The following ELFN1 variants were observed in gnomAD, a reference collection of about 807,000 sequenced individuals.
ELFN1 encodes extracellular leucine rich repeat and fibronectin type III domain containing 1.
In ELFN1, 6 loss-of-function variants were observed where a neutral mutation model predicts 7.6. That is an observed-to-expected ratio of 0.79 (90% confidence interval 0.43 to 1.56). ELFN1 has a LOEUF of 1.56. ELFN1 is among the 40% of genes most tolerant of loss of function. ELFN1 has a pLI of 0.01. For synonymous variants in ELFN1, 657 were observed against 588.1 expected, an observed-to-expected ratio of 1.12 and a Z score of -1.70; for missense variants, 1,169 against 1,232.2, an observed-to-expected ratio of 0.95 and a Z score of 0.77.
rs1213125348 is a variant in ELFN1 at position 1,742,315 on chromosome 7, T to G, written c.-293-1989T>G. ...GTGCGGCCGCTGGCCAGACCCGCCC[T>G]TCCGGAGGCCGGGCACAGCCGGACG... is the stretch of plus-strand genomic sequence containing the variant. On this transcript the variant is annotated intron_variant, in intron 3 of 3. Coordinates refer to ENST00000424383, the MANE Select transcript of ELFN1 (RefSeq NM_001128636.4). 2.6e-5 allele frequency: 4 copies of G among 152,280 alleles called. No homozygotes were observed. The East Asian group carries it at 7.7e-4, about 29-fold the overall frequency. The allele number at this position is 152,280 out of a possible 1,614,324, so 9.4% of individuals were successfully genotyped here.
intron 1 of ELFN1, among the ~76,000 whole-genome samples, chr7:1,686,866 ACT>A (rs1032309115): frequency 6.6e-5 from 10 of 151,544 alleles, no homozygotes; most frequent in Admixed American, 3.9e-4. Flanking sequence ...ATTTCATGCA[ACT>A]CTCTGTCAGA....
At chr7:1,738,730 C>G (rs1780521759) in intron 3 of ELFN1, 1 of 152,060 alleles carries the variant, frequency 6.6e-6, no homozygotes, top group African/African-American at 2.4e-5. Context: ...GCAGCGTGGC[C>G]CGAGTCTGTC....
Position 1,708,697 on chromosome 7 carries a change from CAGCCCCAGAGGCTCTGGGGCTGT to C in ELFN1, c.-455-384_-455-362del, listed in dbSNP as rs376983913. Among the ~76,000 whole-genome samples the C allele has an allele frequency of 3.0e-3, 455 of 152,218 alleles. 1 individual carries two copies. The highest frequency in any genetic ancestry group is 0.01 in the African/African-American group (428 of 41,484). ...GCCTGGAAGGTTCCCACGGACCCAA[CAGCCCCAGAGGCTCTGGGGCTGT>C]AGCCCCAGAAGTGAGCCCCACCTTT... On this transcript the variant is annotated intron_variant, in intron 2 of 3. Coordinates refer to ENST00000424383, the MANE Select transcript of ELFN1 (RefSeq NM_001128636.4).
chr7:1,745,410 C>T lies in ELFN1; in HGVS notation c.814C>T (p.Pro272Ser), dbSNP rs1355810317. ...PPRPASGRSQ[P>S]GRSPPPPPPP... ...ACGTCCAGCATCCGGGCGCTCACAGCCGGGCCGCTCCCCGCCGCCCCCGCC... is the reference window on the plus strand; with the variant it reads ...ACGTCCAGCATCCGGGCGCTCACAGTCGGGCCGCTCCCCGCCGCCCCCGCC... The change falls in exon 4 of 4, where the codon CCG becomes TCG. Residue 272 changes from proline (P) to serine (S), a missense_variant. Pro to Ser is a moderately conservative substitution (Grantham distance 74). Around this residue, in one of 2 missense-constraint regions of ELFN1, gnomAD observed 914 missense variants for 872.6 expected, o/e 1.05. Transcript: ENST00000424383. 3.9e-6 allele frequency: 6 copies of T among 1,538,916 alleles called. No individual in the cohort carries two copies. The highest frequency in any genetic ancestry group is 4.4e-6 in the Non-Finnish European group (5 of 1,146,060).
chr7:1,677,516 G>A (rs1029692175), intron 1 of ELFN1, among the ~76,000 whole-genome samples: 2 of 152,210 alleles, frequency 1.3e-5, no homozygotes, highest in African/African-American at 4.8e-5. Context: ...CTGTGCAGGG[G>A]TGTGTGTAGG....
At position 1,746,850 on chromosome 7, in the gene ELFN1, C is replaced by T; in HGVS notation, c.2254C>T (p.Gln752Ter). 6.5e-7 allele frequency: 1 copy of T among 1,538,110 alleles called. No individual in the cohort carries two copies. The highest frequency in any genetic ancestry group is 1.2e-5 in the South Asian group (1 of 82,170). ...RPRPRDLAYSQLSPQYHSLSY... is the reference protein window; with the variant it reads ...RPRPRDLAYS ...GCGGCCCCGCGACCTCGCCTACTCG[C>T]AGCTGTCCCCGCAGTACCACAGCCT... The change falls in exon 4 of 4, where the codon CAG (glutamine) becomes TAG (stop). Residue 752 changes from glutamine (Q) to a stop codon, truncating the protein, a stop_gained. Transcript: ENST00000424383. LOFTEE classifies it high-confidence loss of function.
At chr7:1,666,672 T>C (rs950657378), upstream of ELFN1, among the ~76,000 whole-genome samples, 6 of 150,320 alleles carry the variant, frequency 4.0e-5, no homozygotes, top group Non-Finnish European at 7.4e-5. This position sits in a 1 kb window ranked among gnomAD's most constrained non-coding sequence, Gnocchi z 7.9. Context: ...TCGAGTGCGC[T>C]GGGGTAGCCG....
intron 3 of ELFN1, among the ~76,000 whole-genome samples, chr7:1,714,605 C>T (rs558624714): frequency 1.4e-4 from 21 of 152,220 alleles, no homozygotes; most frequent in Middle Eastern, 3.4e-3. Flanking sequence ...GCTGTAGCCC[C>T]GGGGGAGGCT....
intron 3 of ELFN1, among the ~76,000 whole-genome samples, chr7:1,715,657 C>CCTCCTGTAATTTACATCCTGTGA (rs1476533211): frequency 6.6e-6 from 1 of 152,220 alleles, no homozygotes; most frequent in African/African-American, 2.4e-5. Context: ...CTTTTAATTT[C>CCTCCTGTAATTTACATCCTGTGA]CTCCTGTAAT....
Position 1,709,696 on chromosome 7 carries a change from C to T in ELFN1, c.-294+444C>T, listed in dbSNP as rs550304758. Among the ~76,000 whole-genome samples, 73 of 152,384 alleles carry T rather than the reference C, an allele frequency of 4.8e-4. 1 individual carries two copies. In the South Asian group the frequency reaches 0.015, roughly 31 times the overall value. ...CATAGGTCACGTAGGTTAATATTGA[C>T]TTGCAGTATGTATTTGAAGCAGGTT... On this transcript the variant is annotated intron_variant, in intron 3 of 3. Coordinates refer to ENST00000424383, the MANE Select transcript of ELFN1 (RefSeq NM_001128636.4).
At chr7:1,741,993 CACAT>C (rs1326916534) in intron 3 of ELFN1, among the ~76,000 whole-genome samples, 9 of 152,216 alleles carry the variant, frequency 5.9e-5, no homozygotes, top group African/African-American at 1.4e-4. Context: ...ACCTGGCACA[CACAT>C]ACGAGGGCTC....
rs529231141 is a variant in ELFN1, at chr7:1,740,770, C to A, written c.-293-3534C>A. On this transcript the variant is annotated intron_variant, in intron 3 of 3. Transcript: ENST00000424383. This position sits in a 1 kb window ranked among gnomAD's most constrained non-coding sequence, Gnocchi z 5.0. ...ACAGGGCTGACTCACAGTGTGACTT[C>A]GGACAAGTCCTTCTGTGTCTGTGCC... Among the ~76,000 whole-genome samples the A allele has an allele frequency of 6.6e-6, 1 of 152,280 alleles. No individual in the cohort carries two copies. Among genetic ancestry groups the A allele is most frequent in the African/African-American group, 2.4e-5 (1 of 41,566 alleles).
At chr7:1,672,034 C>T (rs1445833107) in intron 1 of ELFN1, among the ~76,000 whole-genome samples, 2 of 152,228 alleles carry the variant, frequency 1.3e-5, no homozygotes, top group African/African-American at 4.8e-5. Context: ...CCCTGTCCTA[C>T]AGCCAGCTGT....
chr7:1,666,687 G>T (rs975632689), upstream of ELFN1, among the ~76,000 whole-genome samples: 5 of 151,812 alleles, frequency 3.3e-5, no homozygotes, highest in African/African-American at 9.7e-5. The surrounding 1 kb of genome is among the most constrained non-coding windows in gnomAD (Gnocchi z 7.9). Flanking sequence ...TAGCCGCGGC[G>T]CCCCAAGTTG....
chr7:1,693,556 C>A (rs56130225), intron 2 of ELFN1: 1 of 471,052 alleles, frequency 2.1e-6, no homozygotes, highest in Middle Eastern at 3.2e-4. Context: ...CGCCTGTGGA[C>A]GTAGCCTTGC....
intron 2 of ELFN1, among the ~76,000 whole-genome samples, chr7:1,698,198 A>T (rs548896138): frequency 1.3e-5 from 2 of 152,322 alleles, no homozygotes; most frequent in South Asian, 4.1e-4. Context: ...CTCAGCCTTC[A>T]TTTCAGGCAA....
rs1360959159 is a variant in ELFN1 at position 1,705,430 on chromosome 7, C to A, written c.-455-3661C>A. ...TGCAAGTTGATGAGTTGTTCTTCAT[C>A]CTGGAAGGAGGAGGAGGAGCTCCCC... On this transcript the variant is annotated intron_variant, in intron 2 of 3. Coordinates refer to ENST00000424383, the MANE Select transcript of ELFN1 (RefSeq NM_001128636.4). The surrounding 1 kb of genome is among the most constrained non-coding windows in gnomAD (Gnocchi z 4.3). Among the ~76,000 whole-genome samples the A allele has an allele frequency of 6.6e-6, 1 of 152,260 alleles. No individual in the cohort carries two copies. The highest frequency in any genetic ancestry group is 1.5e-5 in the Non-Finnish European group (1 of 68,048).
chr7:1,738,510 G>A (rs996357560), intron 3 of ELFN1: 2 of 152,536 alleles, frequency 1.3e-5, no homozygotes, highest in Non-Finnish European at 1.5e-5. Context: ...AGCTGAGGCA[G>A]GAGGATGGCT....
Position 1,744,934 on chromosome 7 carries a change from T to A in ELFN1, c.338T>A (p.Leu113Gln), listed in dbSNP as rs1780732821. 1 of 1,552,134 alleles carries A rather than the reference T, an allele frequency of 6.4e-7. No individual in the cohort carries two copies. Among genetic ancestry groups the A allele is most frequent in the Non-Finnish European group, 8.7e-7 (1 of 1,147,372 alleles). ...AFSGQFNLQV[L>Q]QLGYNRLRNL... The stretch of plus-strand genomic sequence containing the variant: ...TCGGGCCAGTTCAACCTGCAGGTGC[T>A]GCAGCTGGGCTACAACCGGCTGCGC... Residue 113 changes from leucine to glutamine, a missense_variant, in exon 4 of 4, where the codon CTG becomes CAG. Around this residue, in one of 2 missense-constraint regions of ELFN1, gnomAD observed 255 missense variants for 359.6 expected, o/e 0.71. Transcript: ENST00000424383.
Sources: gnomAD v4.1 joint callset for allele counts (sites outside exome capture counted in the v4.1 genomes callset) on GRCh38, gnomAD v4.1.1 for gene constraint, gnomAD v4.1.1 regional missense constraint, Gnocchi (gnomAD v3.1) non-coding constraint, MANE v1.5 for transcripts, NCBI Gene and HGNC (gene_info 2026-07-23, HGNC 2026-07-21) for gene names.